ATPAF1: variants seen among roughly 807,000 people sequenced by gnomAD.
ATPAF1 encodes ATP synthase mitochondrial F1 complex assembly factor 1.
A neutral mutation model predicts 43.9 loss-of-function variants in ATPAF1; 26 were observed. The observed-to-expected ratio is 0.59, with a 90% CI of 0.43 to 0.82. The LOEUF is 0.82. ATPAF1 is among the 40% of genes least tolerant of loss of function. The pLI, the probability that ATPAF1 is intolerant of heterozygous loss-of-function variation, is 0.00. For missense variants in ATPAF1, 366 were observed against 435.0 expected (o/e 0.84, Z 1.41); for synonymous variants, 157 against 168.0 (o/e 0.93, Z 0.50).
downstream of ATPAF1, chr1:46,633,568 A>G: frequency 2.5e-6 from 1 of 393,498 alleles, no homozygotes; most frequent in South Asian, 1.9e-5. Flanking sequence ...GGACAAATTT[A>G]CTGATTAAAT....
chr1:46,645,487 A>G (rs1331561978), intron 6 of ATPAF1, among the ~76,000 whole-genome samples: 1 of 151,296 alleles, frequency 6.6e-6, no homozygotes, highest in South Asian at 2.1e-4. Flanking sequence ...CAGCCTCCCA[A>G]GTAGCTGGAA....
At chr1:46,632,785 T>C (rs936101965), downstream of ATPAF1, 4 of 152,628 alleles carry the variant, frequency 2.6e-5, no homozygotes, top group African/African-American at 9.7e-5. Context: ...AAACTGAGTA[T>C]CTTCTATGGT....
At chr1:46,638,780 A>T (rs1675892295) in intron 8 of ATPAF1, among the ~76,000 whole-genome samples, 1 of 151,224 alleles carries the variant, frequency 6.6e-6, no homozygotes, top group South Asian at 2.1e-4. Flanking sequence ...GGCTTTCAAC[A>T]TGAAGCAACA....
chr1:46,664,460 C>T (rs2148827346), intron 2 of ATPAF1: 1 of 152,516 alleles, frequency 6.6e-6, no homozygotes, highest in East Asian at 1.9e-4. Flanking sequence ...ATCCTCTTAG[C>T]AGCTAAATTA....
At chr1:46,650,428 G>A (rs574789295) in intron 6 of ATPAF1, among the ~76,000 whole-genome samples, 10 of 150,000 alleles carry the variant, frequency 6.7e-5, no homozygotes, top group Non-Finnish European at 1.0e-4. Flanking sequence ...TTGGTGGAAC[G>A]TAAATTAGTA....
intron 2 of ATPAF1, among the ~76,000 whole-genome samples, chr1:46,662,808 T>C (rs1676415866): frequency 6.6e-6 from 1 of 152,176 alleles, no homozygotes; most frequent in Non-Finnish European, 1.5e-5. Flanking sequence ...ATACTTTAAG[T>C]TTTAGGGTAC....
intron 2 of ATPAF1, chr1:46,665,000 G>A (rs893689030): frequency 1.5e-5 from 7 of 455,638 alleles, no homozygotes; most frequent in Non-Finnish European, 2.4e-5. Flanking sequence ...TACCATGTGT[G>A]CCTTGCCTTG....
chr1:46,639,328 G>A (rs1258061), intron 8 of ATPAF1, among the ~76,000 whole-genome samples: 30,654 of 151,758 alleles, frequency 0.2, 3,234 homozygotes, highest in South Asian at 0.27. Flanking sequence ...TCCCTCTGTC[G>A]GAAACATTTC....
intron 2 of ATPAF1, among the ~76,000 whole-genome samples, chr1:46,662,938 C>G (rs1676419759): frequency 6.6e-6 from 1 of 152,032 alleles, no homozygotes; most frequent in Admixed American, 6.5e-5. Flanking sequence ...CCCACTCCCC[C>G]GACCCCACAA....
chr1:46,634,487 C>T (rs1139758), downstream of ATPAF1: 37,937 of 152,320 alleles, frequency 0.25, 5,009 homozygotes, highest in East Asian at 0.35. Context: ...TGGTGGCATG[C>T]GCCTGTAATC....
At chr1:46,666,235 G>A (rs140221220) in intron 1 of ATPAF1, 142 of 200,968 alleles carry the variant, frequency 7.1e-4, no homozygotes, top group African/African-American at 3.1e-3. Context: ...TCATGTAGAT[G>A]GGATGTTTTT....
At chr1:46,660,681 C>G (rs1036276318) in intron 2 of ATPAF1, among the ~76,000 whole-genome samples, 8 of 152,068 alleles carry the variant, frequency 5.3e-5, no homozygotes, top group Non-Finnish European at 8.8e-5. Context: ...AACTACATGT[C>G]AAAAATCAGA....
At chr1:46,645,333 C>T (rs1447855162) in intron 6 of ATPAF1, 77 bp from the exon 7 acceptor site, 4 of 1,121,778 alleles carry the variant, frequency 3.6e-6, no homozygotes, top group Non-Finnish European at 5.3e-6. Flanking sequence ...CTGTAACATT[C>T]ATTCCATTTC....
Position 46,668,066 on chromosome 1 carries a change from AGCT to A in ATPAF1, c.254_256del (p.Gln85del), listed in dbSNP as rs1335899294. The A allele has an allele frequency of 2.1e-6, 3 of 1,432,610 alleles. No individual in the cohort carries two copies. The African/African-American group carries it at 4.5e-5, about 21-fold the overall frequency. 88.7% of individuals were successfully genotyped at this position (1,432,610 alleles called of 1,614,324 possible). ...CAACCCAGGCCCGCACCTGCGCAGCAGCTGGATCTTGTCGCGGTAGCGGTCGTA... is the reference window on the plus strand; with the variant it reads ...CAACCCAGGCCCGCACCTGCGCAGCAGGATCTTGTCGCGGTAGCGGTCGTA... On this transcript the variant is annotated inframe_deletion, in exon 1 of 9. Transcript: ENST00000574428. The surrounding 1 kb of genome is among the most constrained non-coding windows in gnomAD (Gnocchi z 4.4).
intron 8 of ATPAF1, among the ~76,000 whole-genome samples, chr1:46,639,286 A>G (rs1354397765): frequency 1.3e-5 from 2 of 152,168 alleles, no homozygotes; most frequent in Non-Finnish European, 2.9e-5. Context: ...ACTCCAAGTC[A>G]TTTTATGTCT....
rs1207756661 is a variant in ATPAF1, at chr1:46,635,645, C to T, written c.*131G>A. The T allele has an allele frequency of 1.4e-4, 119 of 833,110 alleles. No homozygotes were observed. In the South Asian group the frequency reaches 2.0e-3, roughly 14 times the overall value. 51.6% of individuals were successfully genotyped at this position (833,110 alleles called of 1,614,324 possible). On this transcript the variant is annotated 3_prime_UTR_variant, in exon 9 of 9. Transcript: ENST00000574428. ...TAGGGCTCATCTCTGTGACTGCTTG[C>T]GACAAGCACATAGGGCAACTCATTA...
chr1:46,642,635 T>C (rs1364120618), intron 8 of ATPAF1, among the ~76,000 whole-genome samples: 3 of 152,232 alleles, frequency 2.0e-5, no homozygotes, highest in Admixed American at 1.3e-4. Context: ...GATAAAATAT[T>C]GAGAGCTATC....
At chr1:46,647,505 C>T (rs630566) in intron 6 of ATPAF1, among the ~76,000 whole-genome samples, 1 of 33,702 alleles carries the variant, frequency 3.0e-5, no homozygotes, top group African/African-American at 1.5e-4. Flanking sequence ...TACACACATA[C>T]ACACACACAC....
chr1:46,665,599 C>T, intron 1 of ATPAF1: 1 of 1,432,130 alleles, frequency 7.0e-7, no homozygotes, highest in Non-Finnish European at 9.5e-7. Flanking sequence ...TTTTCTTTTG[C>T]AGGCTGTTCC....
Sources: gnomAD v4.1 joint callset for allele counts (sites outside exome capture counted in the v4.1 genomes callset) on GRCh38, gnomAD v4.1.1 for gene constraint, Gnocchi (gnomAD v3.1) non-coding constraint, MANE v1.5 for transcripts, NCBI Gene and HGNC (gene_info 2026-07-23, HGNC 2026-07-21) for gene names.